Variants in SFMBT2 observed in about 807,000 individuals in gnomAD.
SFMBT2 encodes the protein scm-like with four MBT domains protein 2.
In SFMBT2, 38 loss-of-function variants were observed where a neutral mutation model predicts 110.1. The observed-to-expected ratio is 0.35, with a 90% CI of 0.27 to 0.45. The LOEUF (loss-of-function observed/expected upper bound fraction) is 0.45, where lower values mean the gene tolerates loss of function less well. Ranked by LOEUF, SFMBT2 falls within the 20% of genes least tolerant of loss-of-function variation. The probability of loss-of-function intolerance (pLI) is 1.00; values close to 1 mark genes in which losing one functional copy is unlikely to be tolerated. For synonymous variants in SFMBT2, 425 were observed against 425.4 expected, an observed-to-expected ratio of 1.00 and a Z score of 0.01; for missense variants, 1,011 against 1,094.9, an observed-to-expected ratio of 0.92 and a Z score of 1.08.
chr10:7,236,158 A>T (rs1840247022), intron 9 of SFMBT2, among the ~76,000 whole-genome samples: 1 of 152,132 alleles, frequency 6.6e-6, no homozygotes, highest in African/African-American at 2.4e-5. Context: ...AGCAAGCAGA[A>T]GGATAAGGTA....
chr10:7,179,391 GAAAAAAAAAAA>G (rs57497418), intron 16 of SFMBT2, among the ~76,000 whole-genome samples: 4 of 70,328 alleles, frequency 5.7e-5, no homozygotes, highest in Admixed American at 2.2e-4. Context: ...TTGCATTTTC[GAAAAAAAAAAA>G]AAAAAAAAAA....
At chr10:7,215,938 T>C (rs2692838) in intron 11 of SFMBT2, 97,706 of 153,646 alleles carry the variant, frequency 0.64, 31,343 homozygotes, top group East Asian at 0.87. Context: ...GGAACCAGGT[T>C]CATCACAGAG....
intron 14 of SFMBT2, 82 bp from the exon 15 acceptor site, chr10:7,197,769 A>G: frequency 6.6e-7 from 1 of 1,521,854 alleles, no homozygotes; most frequent in East Asian, 2.3e-5. Context: ...CTTCATCCAC[A>G]TGGTCAGGGA....
chr10:7,203,714 C>T, intron 12 of SFMBT2: 1 of 981,400 alleles, frequency 1.0e-6, no homozygotes. Flanking sequence ...TCAGAATCTG[C>T]AGCTTTTTTT....
intron 1 of SFMBT2, among the ~76,000 whole-genome samples, chr10:7,386,130 G>A (rs1164080973): frequency 6.6e-6 from 1 of 152,170 alleles, no homozygotes; most frequent in Non-Finnish European, 1.5e-5. Context: ...ATTTCAGCCT[G>A]GCCATCTCAG....
At chr10:7,294,474 G>C (rs546983503) in intron 4 of SFMBT2, among the ~76,000 whole-genome samples, 1 of 152,282 alleles carries the variant, frequency 6.6e-6, no homozygotes, top group East Asian at 1.9e-4. Context: ...CTATTTCCAA[G>C]TAATACAAAT....
intron 4 of SFMBT2, among the ~76,000 whole-genome samples, chr10:7,336,553 G>A (rs1364185514): frequency 6.6e-6 from 1 of 152,174 alleles, no homozygotes; most frequent in Non-Finnish European, 1.5e-5. Context: ...ACTTGGGAAG[G>A]CTGAGGCGGG....
chr10:7,246,760 C>T (rs1432834162), intron 8 of SFMBT2, among the ~76,000 whole-genome samples: 1 of 146,312 alleles, frequency 6.8e-6, no homozygotes, highest in Non-Finnish European at 1.5e-5. Flanking sequence ...GAGACGCTAC[C>T]GCTGACAGGC....
chr10:7,361,435 T>A (rs1844714868), intron 4 of SFMBT2, among the ~76,000 whole-genome samples: 2 of 152,188 alleles, frequency 1.3e-5, no homozygotes, highest in Admixed American at 1.3e-4. Flanking sequence ...CCTGCCAGCA[T>A]CTTGTCCTCT....
In SFMBT2 at chr10:7,248,540, A is replaced by G. The variant is rs936284465; in HGVS notation, c.972+8T>C. 6.2e-7 allele frequency: 1 copy of G among 1,612,998 alleles called. No homozygotes were observed. Among genetic ancestry groups the G allele is most frequent in the Non-Finnish European group, 8.5e-7 (1 of 1,179,094 alleles). On this transcript the variant is annotated splice_region_variant and intron_variant, in intron 8 of 20. Transcript: ENST00000397167. ...GGCTGGGTCGAAGAGCGAGGGAGGA[A>G]AACCCACCTTAGTCACCGACGCAGG...
intron 4 of SFMBT2, among the ~76,000 whole-genome samples, chr10:7,315,108 G>GAAAGAAAGAA (rs1220664160): frequency 7.5e-6 from 1 of 132,732 alleles, no homozygotes; most frequent in Non-Finnish European, 1.8e-5. Context: ...AAGAAAGAAA[G>GAAAGAAAGAA]AAAAAGCAAG....
At chr10:7,316,849 CTGG>C (rs1843028297) in intron 4 of SFMBT2, among the ~76,000 whole-genome samples, 1 of 151,440 alleles carries the variant, frequency 6.6e-6, no homozygotes, top group East Asian at 1.9e-4. Flanking sequence ...AGTATGTAGG[CTGG>C]TGAACATGAT....
Position 7,217,915 on chromosome 10 carries a change from C to T in SFMBT2, c.1330+2496G>A, listed in dbSNP as rs540732676. 1.4e-4 allele frequency among the ~76,000 whole-genome samples: 21 copies of T among 152,310 alleles called. No individual in the cohort carries two copies. In the South Asian group the frequency reaches 4.4e-3, roughly 32 times the overall value. Reference sequence around the variant, plus strand: ...GTTTCTGAGAGCTTAAAATTCTTTTCAAATATGCACTTAAAATGATATTAC... The same window carrying T: ...GTTTCTGAGAGCTTAAAATTCTTTTTAAATATGCACTTAAAATGATATTAC... On this transcript the variant is annotated intron_variant, in intron 11 of 20. Transcript: ENST00000397167.
intron 4 of SFMBT2, chr10:7,348,395 G>A (rs1223863873): frequency 3.0e-6 from 4 of 1,341,162 alleles, no homozygotes; most frequent in Non-Finnish European, 3.9e-6. Context: ...ATCCATGATG[G>A]GCTTTGGGGG....
chr10:7,311,045 C>CAAAAAAAA (rs201310544), intron 4 of SFMBT2, among the ~76,000 whole-genome samples: 2 of 96,942 alleles, frequency 2.1e-5, no homozygotes, highest in Non-Finnish European at 2.0e-5. Flanking sequence ...AACTCCATCT[C>CAAAAAAAA]AAAAAAAAAA....
chr10:7,248,323 C>T lies in SFMBT2; in HGVS notation c.972+225G>A, dbSNP rs80168977. ...CTATCAGAAGACAAGGAAAATTCAC[C>T]CTATCCATGATAAGAGGGGGCATCT... On this transcript the variant is annotated intron_variant, in intron 8 of 20. Transcript: ENST00000397167. Among the ~76,000 whole-genome samples the T allele has an allele frequency of 5.9e-5, 9 of 152,292 alleles. No individual in the cohort carries two copies. The East Asian group carries it at 1.5e-3, about 26-fold the overall frequency.
At chr10:7,168,327 A>C (rs1453489998) in intron 20 of SFMBT2, among the ~76,000 whole-genome samples, 4 of 152,238 alleles carry the variant, frequency 2.6e-5, no homozygotes, top group Admixed American at 2.6e-4. Flanking sequence ...ATAAGCCCTC[A>C]TACCTAACCT....
intron 2 of SFMBT2, among the ~76,000 whole-genome samples, chr10:7,375,640 C>T (rs1845179606): frequency 2.0e-5 from 3 of 151,982 alleles, no homozygotes; most frequent in Non-Finnish European, 4.4e-5. Flanking sequence ...AGAATCTGAG[C>T]TCACAACTGC....
intron 4 of SFMBT2, among the ~76,000 whole-genome samples, chr10:7,361,965 C>T (rs768068088): frequency 9.9e-5 from 15 of 152,228 alleles, no homozygotes; most frequent in East Asian, 5.8e-4. Flanking sequence ...ACAATGAAGT[C>T]GTCACTGGAT....
Sources: allele counts gnomAD v4.1 joint callset (sites outside exome capture counted in the v4.1 genomes callset), GRCh38; gene constraint gnomAD v4.1.1; transcripts MANE v1.5; gene names NCBI Gene and HGNC (gene_info 2026-07-23, HGNC 2026-07-21).